Variants in OPRM1 observed in about 807,000 individuals in gnomAD.
The protein encoded by OPRM1 is opioid receptor mu 1, also known as mu-type opioid receptor.
A neutral mutation model predicts 31.8 loss-of-function variants in OPRM1; 27 were observed. The ratio of observed to expected loss-of-function variants is 0.85; its 90% CI spans 0.63 to 1.17. The LOEUF (loss-of-function observed/expected upper bound fraction) is 1.17, where lower values mean the gene tolerates loss of function less well. OPRM1 is among the 50% of genes most tolerant of loss of function. The pLI, the probability that OPRM1 is intolerant of heterozygous loss-of-function variation, is 0.00. For missense variants in OPRM1, 536 were observed against 511.1 expected (o/e 1.05, Z -0.47); for synonymous variants, 196 against 189.9 (o/e 1.03, Z -0.26).
At chr6:154,222,927 A>G (rs1778980545) in intron 3 of OPRM1, 1 of 539,634 alleles carries the variant, frequency 1.9e-6, no homozygotes, top group Non-Finnish European at 3.3e-6. Flanking sequence ...ACAGTCATCA[A>G]CAACAGTCCA....
At chr6:154,047,953 T>C (rs1341625919) in intron 1 of OPRM1, among the ~76,000 whole-genome samples, 1 of 152,090 alleles carries the variant, frequency 6.6e-6, no homozygotes. Context: ...TCCCCATTTC[T>C]CCACAAGGCA....
At chr6:154,013,296 A>T (rs1318415255) in intron 1 of OPRM1, among the ~76,000 whole-genome samples, 1 of 152,194 alleles carries the variant, frequency 6.6e-6, no homozygotes. Context: ...TTCTTAGAAG[A>T]GCTTATAAAT....
chr6:154,159,761 A>C lies in OPRM1; in HGVS notation c.1164+68289A>C, dbSNP rs113844675. ...CAGTTTTCCTTTTAAGGAAAAATGT[A>C]AGCTTTTGCAACATCTTGAAGAGTT... On this transcript the variant is annotated intron_variant, in intron 3 of 3. Transcript: ENST00000337049. 2.9e-3 allele frequency: 3,639 copies of C among 1,270,546 alleles called. 5 individuals carry two copies. Among genetic ancestry groups the C allele is most frequent in the Non-Finnish European group, 3.8e-3 (3,410 of 895,756 alleles). 78.7% of individuals were successfully genotyped at this position (1,270,546 alleles called of 1,614,324 possible).
chr6:154,078,919 T>A (rs1788460027), intron 1 of OPRM1, among the ~76,000 whole-genome samples: 1 of 152,102 alleles, frequency 6.6e-6, no homozygotes, highest in South Asian at 2.1e-4. Context: ...TAAAAGAATA[T>A]GGCTTATGCC....
chr6:154,115,502 T>G (rs1399987875), intron 3 of OPRM1, among the ~76,000 whole-genome samples: 1 of 152,072 alleles, frequency 6.6e-6, no homozygotes, highest in Non-Finnish European at 1.5e-5. Context: ...ATTATACCAC[T>G]GCACTCCAGC....
At chr6:154,093,209 A>C (rs1456700270) in intron 3 of OPRM1, 3 of 1,470,210 alleles carry the variant, frequency 2.0e-6, no homozygotes, top group Non-Finnish European at 2.8e-6. Flanking sequence ...GCTTTGAAGT[A>C]AAATATTTCC....
chr6:154,197,504 T>A (rs1040822), intron 3 of OPRM1, among the ~76,000 whole-genome samples: 2 of 152,050 alleles, frequency 1.3e-5, no homozygotes, highest in Non-Finnish European at 2.9e-5. Context: ...TTTCTTTTCC[T>A]TTTTACCAAG....
chr6:154,132,982 A>G (rs997123107), downstream of OPRM1, among the ~76,000 whole-genome samples: 2 of 152,192 alleles, frequency 1.3e-5, no homozygotes, highest in South Asian at 4.1e-4. Context: ...TTAGCCGGGC[A>G]TGGTGGCAGG....
chr6:154,050,891 A>G (rs1385833070), intron 1 of OPRM1, among the ~76,000 whole-genome samples: 2 of 152,164 alleles, frequency 1.3e-5, no homozygotes, highest in Non-Finnish European at 2.9e-5. Flanking sequence ...TACACCTACT[A>G]CATAGCCACA....
chr6:154,033,106 A>G (rs1241759243), intron 1 of OPRM1, among the ~76,000 whole-genome samples: 1 of 152,234 alleles, frequency 6.6e-6, no homozygotes, highest in African/African-American at 2.4e-5. Flanking sequence ...CAAGCAAAGG[A>G]AGAAGAAAGC....
intron 1 of OPRM1, among the ~76,000 whole-genome samples, chr6:154,061,682 G>A (rs986260451): frequency 6.6e-6 from 1 of 152,076 alleles, no homozygotes; most frequent in African/African-American, 2.4e-5. Context: ...TGGAAGGTGG[G>A]AGGAGGGTAA....
chr6:154,111,492 C>T (rs1796355082), intron 3 of OPRM1, among the ~76,000 whole-genome samples: 1 of 152,100 alleles, frequency 6.6e-6, no homozygotes, highest in African/African-American at 2.4e-5. Context: ...TCCAATGCAC[C>T]TGGGCACACC....
intron 1 of OPRM1, among the ~76,000 whole-genome samples, chr6:154,025,995 A>G (rs990068288): frequency 2.0e-5 from 3 of 152,016 alleles, no homozygotes; most frequent in Non-Finnish European, 4.4e-5. Context: ...TAATGTTATA[A>G]TATTCTGTGG....
chr6:154,033,588 A>G (rs1779126567), intron 1 of OPRM1, among the ~76,000 whole-genome samples: 1 of 152,206 alleles, frequency 6.6e-6, no homozygotes, highest in South Asian at 2.1e-4. Context: ...GTACAGAGAT[A>G]AGAATGCAGG....
intron 1 of OPRM1, chr6:154,086,796 G>A: frequency 1.0e-6 from 1 of 985,382 alleles, no homozygotes; most frequent in Non-Finnish European, 1.2e-6. Context: ...CAAATGCAAT[G>A]AAGCATGTCT....
intron 3 of OPRM1, chr6:154,093,595 T>A (rs2128490847): frequency 7.0e-7 from 1 of 1,433,724 alleles, no homozygotes; most frequent in Non-Finnish European, 9.3e-7. Flanking sequence ...AGGTTTGCTT[T>A]AAAAATACAT....
intron 3 of OPRM1, among the ~76,000 whole-genome samples, chr6:154,190,872 C>T (rs1429292383): frequency 2.6e-5 from 4 of 151,950 alleles, no homozygotes; most frequent in Non-Finnish European, 5.9e-5. Context: ...CTGGCTAACA[C>T]GGTGAAACCC....
chr6:154,107,330 T>C (rs1795719625), intron 3 of OPRM1: 1 of 616,906 alleles, frequency 1.6e-6, no homozygotes, highest in African/African-American at 1.8e-5. Flanking sequence ...AAAAGGCCGG[T>C]ATTTCTGGCT....
In OPRM1 at chr6:154,162,456, A is replaced by G. The variant is rs1256239070; in HGVS notation, c.1164+70984A>G. Among the ~76,000 whole-genome samples the G allele has an allele frequency of 2.0e-5, 3 of 152,350 alleles. No individual in the cohort carries two copies. The East Asian group carries it at 5.8e-4, about 29-fold the overall frequency. On this transcript the variant is annotated intron_variant, in intron 3 of 3. Coordinates refer to the OPRM1 transcript ENST00000337049. Reference sequence around the variant, plus strand: ...AGTGACCTCCATGTTGTTAAATCCAATAAACCATTAAATCAATGTTAAACC... The same window carrying G: ...AGTGACCTCCATGTTGTTAAATCCAGTAAACCATTAAATCAATGTTAAACC...
Sources: gnomAD v4.1 joint callset for allele counts (sites outside exome capture counted in the v4.1 genomes callset) on GRCh38, gnomAD v4.1.1 for gene constraint, MANE v1.5 for transcripts, NCBI Gene and HGNC (gene_info 2026-07-23, HGNC 2026-07-21) for gene names.